RAB38: variants seen among roughly 807,000 people sequenced by gnomAD.
RAB38 encodes ras-related protein Rab-38.
RAB38 carries 15 observed loss-of-function variants against 18.4 expected under a neutral mutation model. That is an observed-to-expected ratio of 0.82 (90% CI 0.55 to 1.26). The LOEUF is 1.26. Among genes scored for constraint, RAB38 ranks in the 50% most tolerant of loss-of-function variants. The probability of loss-of-function intolerance (pLI) is 0.00; values close to 1 mark genes in which losing one functional copy is unlikely to be tolerated. For synonymous variants in RAB38, 101 were observed against 104.4 expected, an observed-to-expected ratio of 0.97 and a Z score of 0.20; for missense variants, 294 against 267.4, an observed-to-expected ratio of 1.10 and a Z score of -0.69.
chr11:88,030,493 A>G, the RAB38 span, among the ~76,000 whole-genome samples: 9 of 152,196 alleles, frequency 5.9e-5, no homozygotes, highest in Non-Finnish European at 1.2e-4. Context: ...AAGACTAATA[A>G]AGAAAAAAAG....
the RAB38 span, among the ~76,000 whole-genome samples, chr11:87,858,991 T>C: frequency 6.7e-6 from 1 of 148,432 alleles, no homozygotes; most frequent in Non-Finnish European, 1.5e-5. Context: ...AGCAACAGAC[T>C]TAGAATAAAT....
At chr11:88,109,941 A>C (rs932221393), downstream of RAB38, among the ~76,000 whole-genome samples, 3 of 152,200 alleles carry the variant, frequency 2.0e-5, no homozygotes, top group Non-Finnish European at 1.5e-5. Context: ...TAGTTCAACC[A>C]TTGTGGACGA....
chr11:87,852,939 T>C, the RAB38 span, among the ~76,000 whole-genome samples: 1 of 145,646 alleles, frequency 6.9e-6, no homozygotes, highest in African/African-American at 2.7e-5. Context: ...CCTGGTGGCT[T>C]AACATCTATC....
At chr11:87,822,263 T>C in the RAB38 span, among the ~76,000 whole-genome samples, 14 of 152,222 alleles carry the variant, frequency 9.2e-5, no homozygotes, top group East Asian at 2.5e-3. Context: ...AACAAAATAT[T>C]ACAGTTCAAA....
chr11:88,142,860 C>T (rs1942933876), intron 2 of RAB38, among the ~76,000 whole-genome samples: 1 of 152,226 alleles, frequency 6.6e-6, no homozygotes, highest in Non-Finnish European at 1.5e-5. Context: ...CCTTATCCAA[C>T]TCACCCAACA....
the RAB38 span, among the ~76,000 whole-genome samples, chr11:87,874,361 A>G: frequency 2.0e-5 from 3 of 151,552 alleles, no homozygotes; most frequent in African/African-American, 7.3e-5. Flanking sequence ...TACCCCAAAT[A>G]TATAAAGCAC....
At chr11:87,973,554 C>G in the RAB38 span, among the ~76,000 whole-genome samples, 1 of 149,376 alleles carries the variant, frequency 6.7e-6, no homozygotes, top group Non-Finnish European at 1.5e-5. Context: ...GGCAGTCTTG[C>G]TAACCAAAGA....
At chr11:87,842,843 CACAA>C in the RAB38 span, among the ~76,000 whole-genome samples, 2 of 146,030 alleles carry the variant, frequency 1.4e-5, no homozygotes, top group African/African-American at 5.1e-5. Context: ...CACACACACA[CACAA>C]ATCCCTTTTT....
chr11:87,818,291 C>A, the RAB38 span, among the ~76,000 whole-genome samples: 1 of 152,140 alleles, frequency 6.6e-6, no homozygotes, highest in Non-Finnish European at 1.5e-5. Context: ...ATTCCTCAAA[C>A]TAGTATGCCA....
chr11:88,093,327 G>A, the RAB38 span, among the ~76,000 whole-genome samples: 1 of 151,812 alleles, frequency 6.6e-6, no homozygotes, highest in South Asian at 2.1e-4. Context: ...CAAATCCATA[G>A]AGAAAAATGT....
chr11:87,882,427 G>A, the RAB38 span, among the ~76,000 whole-genome samples: 1 of 151,860 alleles, frequency 6.6e-6, no homozygotes, highest in Admixed American at 6.6e-5. Flanking sequence ...CTATGATATA[G>A]AGAACCTATA....
chr11:88,026,869 T>C, the RAB38 span, among the ~76,000 whole-genome samples: 7 of 152,170 alleles, frequency 4.6e-5, no homozygotes, highest in African/African-American at 7.2e-5. Context: ...GTCAAAAATA[T>C]ATAATCTGAA....
chr11:87,866,809 G>A, the RAB38 span, among the ~76,000 whole-genome samples: 1 of 151,764 alleles, frequency 6.6e-6, no homozygotes, highest in Non-Finnish European at 1.5e-5. Flanking sequence ...ATGGAAGAGG[G>A]TCACAGCAAG....
the RAB38 span, among the ~76,000 whole-genome samples, chr11:88,085,514 T>C: frequency 6.6e-6 from 1 of 151,916 alleles, no homozygotes; most frequent in Non-Finnish European, 1.5e-5. Context: ...CTTGTCTAAA[T>C]GGTATATAGA....
the RAB38 span, among the ~76,000 whole-genome samples, chr11:88,008,785 A>T: frequency 6.6e-6 from 1 of 152,098 alleles, no homozygotes; most frequent in Non-Finnish European, 1.5e-5. Flanking sequence ...GCCATTCTCC[A>T]GCCTCAGCCT....
chr11:87,870,203 A>T, the RAB38 span, among the ~76,000 whole-genome samples: 1 of 151,608 alleles, frequency 6.6e-6, no homozygotes, highest in African/African-American at 2.4e-5. Flanking sequence ...TTTTATGAGC[A>T]CCTCATTAAA....
At chr11:87,818,987 A>T in the RAB38 span, among the ~76,000 whole-genome samples, 1 of 152,224 alleles carries the variant, frequency 6.6e-6, no homozygotes. Context: ...AAAAAATTAT[A>T]AATTTATAAA....
At chr11:87,960,818 A>G in the RAB38 span, among the ~76,000 whole-genome samples, 1 of 152,180 alleles carries the variant, frequency 6.6e-6, no homozygotes, top group African/African-American at 2.4e-5. Context: ...AGACCAGCCA[A>G]AATCTACCCA....
the RAB38 span, among the ~76,000 whole-genome samples, chr11:87,898,104 A>G: frequency 3.3e-5 from 5 of 151,746 alleles, no homozygotes; most frequent in South Asian, 1.0e-3. Flanking sequence ...GAATAAACTA[A>G]TAACCTCCAA....
Sources: gnomAD v4.1 joint callset for allele counts (sites outside exome capture counted in the v4.1 genomes callset) on GRCh38, gnomAD v4.1.1 for gene constraint, MANE v1.5 for transcripts, NCBI Gene and HGNC (gene_info 2026-07-23, HGNC 2026-07-21) for gene names.